Variants in CHD6 observed in about 807,000 individuals in gnomAD.
CHD6 encodes ATP-dependent chromatin remodeler CHD6.
Under a neutral mutation model 276.9 loss-of-function variants are expected in CHD6, and 50 were observed. The observed-to-expected ratio is 0.18, with a 90% CI of 0.14 to 0.23. The LOEUF is 0.23. CHD6 is among the 10% of genes least tolerant of loss of function. CHD6 has a pLI of 1.00. For synonymous variants in CHD6, 1,173 were observed against 1,229.3 expected (o/e 0.95, Z 0.96); for missense variants, 2,564 against 3,365.8 (o/e 0.76, Z 5.89).
At chr20:41,584,896 T>C (rs1046769798) in intron 1 of CHD6, among the ~76,000 whole-genome samples, 4 of 151,958 alleles carry the variant, frequency 2.6e-5, no homozygotes, top group Non-Finnish European at 2.9e-5. Context: ...GAAACTAAAA[T>C]TGGAGACCAA....
intron 1 of CHD6, among the ~76,000 whole-genome samples, chr20:41,610,526 C>T (rs2045875918): frequency 6.6e-6 from 1 of 152,088 alleles, no homozygotes; most frequent in Non-Finnish European, 1.5e-5. Flanking sequence ...CTTTGAGAGG[C>T]CGAGGCGGGC....
At chr20:41,587,409 G>A (rs1408034389) in intron 1 of CHD6, among the ~76,000 whole-genome samples, 1 of 152,188 alleles carries the variant, frequency 6.6e-6, no homozygotes, top group Non-Finnish European at 1.5e-5. Context: ...AAGAGAATAA[G>A]TCAGCTTATT....
Position 41,403,430 on chromosome 20 carries a change from G to A in CHD6, c.*1163C>T, listed in dbSNP as rs985127134. 9.4e-7 allele frequency: 1 copy of A among 1,062,116 alleles called. No homozygotes were observed. The highest frequency in any genetic ancestry group is 1.1e-6 in the Non-Finnish European group (1 of 877,242). The allele number at this position is 1,062,116 out of a possible 1,614,324, so 65.8% of individuals were successfully genotyped here. On this transcript the variant is annotated 3_prime_UTR_variant, in exon 37 of 37. Coordinates refer to ENST00000373233, the MANE Select transcript of CHD6 (RefSeq NM_032221.5). ...TAAACATGGAGAAGCTGAGGAAGAA[G>A]AGAAAATAATGTTGACTTGCAATGT...
Position 41,488,459 on chromosome 20 carries a change from T to G in CHD6, c.1826A>C (p.Lys609Thr). The G allele has an allele frequency of 6.2e-7, 1 of 1,613,914 alleles. No individual in the cohort carries two copies. Among genetic ancestry groups the G allele is most frequent in the Non-Finnish European group, 8.5e-7 (1 of 1,179,854 alleles). Residue 609 changes from lysine to threonine, a missense_variant, in exon 13 of 37, where the codon AAA (lysine) becomes ACA (threonine). Physicochemically the swap from Lys to Thr is moderately conservative, Grantham distance 78 (BLOSUM62 -1). Coordinates refer to ENST00000373233, the MANE Select transcript of CHD6 (RefSeq NM_032221.5). The part of the protein sequence containing the change: ...EAHRLKNRNC[K>T]LLEGLKLMAL... Reference sequence around the variant, plus strand: ...CATAAGCTTTAGACCCTCCAGAAGTTTGCAGTTCCTATTCTTCAGTCTGTG... The same window carrying G: ...CATAAGCTTTAGACCCTCCAGAAGTGTGCAGTTCCTATTCTTCAGTCTGTG...
chr20:41,613,336 CAAGAA>C (rs2045906605), intron 1 of CHD6, among the ~76,000 whole-genome samples: 1 of 152,158 alleles, frequency 6.6e-6, no homozygotes, highest in Admixed American at 6.5e-5. Flanking sequence ...GTATTCAAAG[CAAGAA>C]AATGTCAGGC....
intron 25 of CHD6, among the ~76,000 whole-genome samples, chr20:41,441,246 G>C (rs115029072): frequency 6.6e-6 from 1 of 152,170 alleles, no homozygotes; most frequent in South Asian, 2.1e-4. Context: ...TATATAGTCA[G>C]TACCTAGCAA....
chr20:41,544,906 A>T (rs941882512), intron 2 of CHD6, among the ~76,000 whole-genome samples: 14 of 152,260 alleles, frequency 9.2e-5, no homozygotes, highest in Non-Finnish European at 1.9e-4. Flanking sequence ...AAATAAATGT[A>T]CTGGCAAACT....
chr20:41,457,411 G>A lies in CHD6; in HGVS notation c.2682C>T (p.His894=), dbSNP rs2048408875. 6.2e-7 allele frequency: 1 copy of A among 1,612,560 alleles called. No individual in the cohort carries two copies. The highest frequency in any genetic ancestry group is 8.5e-7 in the Non-Finnish European group (1 of 1,178,854). Residue 894 remains histidine, a synonymous_variant, in exon 18 of 37, where the codon CAC becomes CAT. Transcript: ENST00000373233. ...QNDLQAQARC[H]RIGQSKAVKV... is the part of the protein sequence containing the mutation. ...TCACAGCTTTGCTCTGGCCTATGCG[G>A]TGACATCGGGCCTGAGCCTGGGAAG...
At chr20:41,455,682 T>C (rs2048357765) in intron 19 of CHD6, 118 bp downstream of exon 19, 1 of 681,522 alleles carries the variant, frequency 1.5e-6, no homozygotes. Context: ...AGACTAAATG[T>C]GCAGCCAATT....
intron 8 of CHD6, chr20:41,496,990 ATTTG>A (rs773277568): frequency 1.6e-4 from 28 of 176,012 alleles, no homozygotes; most frequent in Non-Finnish European, 2.8e-4. Flanking sequence ...AAAATTATTT[ATTTG>A]TTTACTTTCT....
chr20:41,428,809 T>A (rs1250454268), intron 27 of CHD6, among the ~76,000 whole-genome samples: 1 of 152,200 alleles, frequency 6.6e-6, no homozygotes, highest in Non-Finnish European at 1.5e-5. Context: ...ATGGCTTTTT[T>A]GCAGCTGATT....
At chr20:41,581,904 A>G (rs746543514) in intron 1 of CHD6, among the ~76,000 whole-genome samples, 4 of 152,220 alleles carry the variant, frequency 2.6e-5, no homozygotes, top group Non-Finnish European at 4.4e-5. Context: ...GTAGGGACAC[A>G]AAACATACAT....
intron 5 of CHD6, among the ~76,000 whole-genome samples, chr20:41,501,618 T>C (rs1373380171): frequency 1.3e-5 from 2 of 152,242 alleles, no homozygotes; most frequent in Non-Finnish European, 2.9e-5. Flanking sequence ...ATATAAATTA[T>C]GTCTTTTGGT....
At chr20:41,618,164 C>T (rs2045954617) in intron 1 of CHD6, among the ~76,000 whole-genome samples, 176 bp downstream of exon 1, 1 of 150,586 alleles carries the variant, frequency 6.6e-6, no homozygotes, top group Non-Finnish European at 1.5e-5. Flanking sequence ...GCCGCCCGCC[C>T]GCCGGCCCCG....
chr20:41,416,035 G>A (rs770341623), intron 33 of CHD6, among the ~76,000 whole-genome samples: 5 of 152,138 alleles, frequency 3.3e-5, no homozygotes, highest in South Asian at 4.1e-4. Flanking sequence ...AGCTTGTCAC[G>A]GTCCCCAGCT....
chr20:41,469,130 A>C (rs2042996193), intron 17 of CHD6, among the ~76,000 whole-genome samples: 1 of 152,134 alleles, frequency 6.6e-6, no homozygotes, highest in African/African-American at 2.4e-5. Context: ...CGATTGTGGA[A>C]AGGGCCTGTC....
chr20:41,597,759 C>G (rs893557818), intron 1 of CHD6, among the ~76,000 whole-genome samples: 1 of 152,016 alleles, frequency 6.6e-6, no homozygotes, highest in South Asian at 2.1e-4. Flanking sequence ...CTTAGCTACC[C>G]CACATCTCAT....
intron 29 of CHD6, 54 bp downstream of exon 29, chr20:41,425,124 G>C: frequency 6.8e-7 from 1 of 1,465,196 alleles, no homozygotes; most frequent in Non-Finnish European, 9.6e-7. Flanking sequence ...TTTACCTTTT[G>C]AAAACTTTAC....
intron 11 of CHD6, among the ~76,000 whole-genome samples, chr20:41,490,592 C>T (rs554253994): frequency 6.6e-6 from 1 of 152,274 alleles, no homozygotes; most frequent in East Asian, 1.9e-4. Flanking sequence ...GCGGGCAGAT[C>T]ACCTGAGGTC....
Sources: allele counts gnomAD v4.1 joint callset (sites outside exome capture counted in the v4.1 genomes callset), GRCh38; gene constraint gnomAD v4.1.1; transcripts MANE v1.5; gene names NCBI Gene and HGNC (gene_info 2026-07-23, HGNC 2026-07-21).